The following PAK6 variants were observed in gnomAD, a reference collection of about 807,000 sequenced individuals.
PAK6 encodes the protein serine/threonine-protein kinase PAK 6.
PAK6 carries 33 observed loss-of-function variants against 60.8 expected under a neutral mutation model. The ratio of observed to expected loss-of-function variants is 0.54; its 90% CI spans 0.41 to 0.73. The LOEUF (loss-of-function observed/expected upper bound fraction) is 0.73. PAK6 is among the 30% of genes least tolerant of loss of function. The pLI is 0.00. For synonymous variants in PAK6, 404 were observed against 378.5 expected (o/e 1.07, Z -0.78); for missense variants, 845 against 904.1 (o/e 0.93, Z 0.84).
chr15:40,252,719 C>T, intron 2 of PAK6: 2 of 1,303,830 alleles, frequency 1.5e-6, no homozygotes, highest in Non-Finnish European at 2.0e-6. Flanking sequence ...CCCGGAGGTT[C>T]GCGGCGAGAG....
chr15:40,242,340 G>A (rs1009783500), intron 2 of PAK6, among the ~76,000 whole-genome samples: 1 of 152,234 alleles, frequency 6.6e-6, no homozygotes, highest in African/African-American at 2.4e-5. Context: ...GGTGCAGAAG[G>A]CAGGAAGGAC....
chr15:40,275,946 A>G lies in PAK6; in HGVS notation c.1898A>G (p.Asp633Gly), dbSNP rs1469469717. The G allele has an allele frequency of 1.9e-6, 3 of 1,612,880 alleles. No individual in the cohort carries two copies. The African/African-American group carries it at 4.0e-5, about 22-fold the overall frequency. Residue 633 changes from aspartate (D) to glycine (G), a missense_variant, in exon 11 of 11, where the codon GAC becomes GGC. Physicochemically the swap from Asp to Gly is moderately conservative, Grantham distance 94. Coordinates refer to ENST00000560346, the Ensembl canonical transcript of PAK6. ...CTACAGGTCTCCCCAGTGCTGCGAG[A>G]CTTCCTGGAGCGGATGCTGGTGCGG...
At chr15:40,265,531 G>C (rs576835690) in intron 4 of PAK6, among the ~76,000 whole-genome samples, 2 of 151,976 alleles carry the variant, frequency 1.3e-5, no homozygotes, top group Admixed American at 1.3e-4. Flanking sequence ...ATGGAGCCCC[G>C]CCCCCTGAGC....
At chr15:40,252,512 G>A (rs1024199965) in intron 2 of PAK6, 4 of 1,363,152 alleles carry the variant, frequency 2.9e-6, no homozygotes, top group Admixed American at 3.8e-5. Flanking sequence ...CTCTGGGTTC[G>A]CCGCCGCGTC....
intron 3 of PAK6, among the ~76,000 whole-genome samples, chr15:40,261,636 A>G (rs1163027318): frequency 6.6e-6 from 1 of 152,170 alleles, no homozygotes; most frequent in Non-Finnish European, 1.5e-5. Context: ...TTCTACTTAC[A>G]CAGTTATGTT....
intron 3 of PAK6, among the ~76,000 whole-genome samples, chr15:40,257,963 T>C (rs1261395085): frequency 3.9e-5 from 6 of 152,214 alleles, no homozygotes; most frequent in Non-Finnish European, 8.8e-5. Context: ...GGCTTCAGGC[T>C]GAGCCCCTAC....
chr15:40,272,974 C>G, exon 7 of PAK6: 1 of 1,613,896 alleles, frequency 6.2e-7, no homozygotes, highest in Non-Finnish European at 8.5e-7. Flanking sequence ...GGGAGGAGCC[C>G]TCACAGACAT....
chr15:40,265,130 C>T, intron 4 of PAK6, 141 bp downstream of exon 4: 3 of 799,106 alleles, frequency 3.8e-6, no homozygotes, highest in Non-Finnish European at 5.8e-6. Flanking sequence ...CCCTGCCTGT[C>T]AGCCTGCCAT....
At position 40,271,042 on chromosome 15, in the gene PAK6, A is replaced by C. The variant is rs79163418; in HGVS notation, c.859-1182A>C. On this transcript the variant is annotated intron_variant, in intron 5 of 10. Coordinates refer to ENST00000560346, the Ensembl canonical transcript of PAK6. ...AGATTTCCTGTAAGTTGTTTCAGCTATGGGATCAGGACCAGGACCCACTGG... is the reference window on the plus strand; with the variant it reads ...AGATTTCCTGTAAGTTGTTTCAGCTCTGGGATCAGGACCAGGACCCACTGG... Among the ~76,000 whole-genome samples, 1,213 of 152,318 alleles carry C rather than the reference A, an allele frequency of 8.0e-3. 17 individuals carry two copies. The highest frequency in any genetic ancestry group is 0.028 in the African/African-American group (1,144 of 41,566).
chr15:40,247,707 C>T (rs1430264255), intron 2 of PAK6, among the ~76,000 whole-genome samples: 1 of 152,126 alleles, frequency 6.6e-6, no homozygotes, highest in Non-Finnish European at 1.5e-5. Flanking sequence ...GGGCGGGGAC[C>T]CATGGACTTT....
exon 11 of PAK6, chr15:40,276,337 C>T: frequency 1.9e-6 from 1 of 528,258 alleles, no homozygotes; most frequent in Non-Finnish European, 3.4e-6. Context: ...TTGATATTTG[C>T]ACAGGGATAT....
chr15:40,266,480 T>C (rs202230516), exon 5 of PAK6: 2 of 1,606,578 alleles, frequency 1.2e-6, no homozygotes, highest in Non-Finnish European at 1.7e-6. Flanking sequence ...AGCCAGGCCC[T>C]CCACCACAGA....
intron 2 of PAK6, 167 bp from the exon 3 acceptor site, chr15:40,253,011 C>T (rs1168492622): frequency 1.2e-5 from 5 of 420,048 alleles, no homozygotes; most frequent in African/African-American, 2.1e-5. Context: ...GTCCCCTTCT[C>T]CCCGTAAGCC....
intron 3 of PAK6, chr15:40,259,393 T>G (rs564268973): frequency 2.2e-4 from 33 of 152,342 alleles, no homozygotes; most frequent in African/African-American, 7.9e-4. Flanking sequence ...TCCTGGGTGA[T>G]TCACTCGCGA....
exon 5 of PAK6, chr15:40,266,058 C>A (rs1329641636): frequency 1.2e-6 from 2 of 1,609,724 alleles, no homozygotes; most frequent in Non-Finnish European, 1.7e-6. Context: ...CACTGACCCC[C>A]ACGGCCTCTA....
intron 2 of PAK6, among the ~76,000 whole-genome samples, chr15:40,244,086 CT>C (rs2038431308): frequency 6.6e-6 from 1 of 152,184 alleles, no homozygotes; most frequent in Non-Finnish European, 1.5e-5. Flanking sequence ...AATCCCAGCA[CT>C]TTGGGAGGCT....
intron 4 of PAK6, 130 bp from the exon 5 acceptor site, chr15:40,265,712 C>A: frequency 1.4e-6 from 1 of 736,518 alleles, no homozygotes; most frequent in African/African-American, 1.8e-5. Flanking sequence ...GGGTGGATGA[C>A]ACAGCAGGGA....
At chr15:40,255,240 G>A (rs1325172426) in intron 3 of PAK6, among the ~76,000 whole-genome samples, 2 of 147,328 alleles carry the variant, frequency 1.4e-5, no homozygotes, top group African/African-American at 2.6e-5. Context: ...GTTGACACAA[G>A]TGACTGAATG....
chr15:40,253,078 C>A (rs1020138490), intron 2 of PAK6, 100 bp from the exon 3 acceptor site: 35 of 398,356 alleles, frequency 8.8e-5, no homozygotes, highest in African/African-American at 6.2e-4. Context: ...GGGAGGCGGG[C>A]GCGGAGCGGT....
Sources: allele counts gnomAD v4.1 joint callset (sites outside exome capture counted in the v4.1 genomes callset), GRCh38; gene constraint gnomAD v4.1.1; transcripts MANE v1.5; gene names NCBI Gene and HGNC (gene_info 2026-07-23, HGNC 2026-07-21).